GSK3B: variants seen among roughly 807,000 people sequenced by gnomAD.
GSK3B encodes the protein glycogen synthase kinase 3 beta, also known as glycogen synthase kinase-3 beta.
A neutral mutation model predicts 56.4 loss-of-function variants in GSK3B; 15 were observed. The ratio of observed to expected loss-of-function variants is 0.27; its 90% CI spans 0.18 to 0.41. The LOEUF is 0.41. Ranked by LOEUF, GSK3B falls within the 10% of genes least tolerant of loss-of-function variation. The pLI, the probability that GSK3B is intolerant of heterozygous loss-of-function variation, is 1.00. For missense variants in GSK3B, 300 were observed against 513.4 expected, an observed-to-expected ratio of 0.58 and a Z score of 4.02; for synonymous variants, 181 against 188.9, an observed-to-expected ratio of 0.96 and a Z score of 0.34.
intron 10 of GSK3B, 105 bp from the exon 11 acceptor site, chr3:119,826,960 A>AATAACAGCTTGGAAG: frequency 1.4e-6 from 1 of 710,920 alleles, no homozygotes; most frequent in Non-Finnish European, 2.5e-6. Context: ...TGGCCTTCCA[A>AATAACAGCTTGGAAG]GCTGTTATTT....
intron 1 of GSK3B, among the ~76,000 whole-genome samples, chr3:120,074,332 A>G (rs1287309058): frequency 6.7e-6 from 1 of 150,304 alleles, no homozygotes; most frequent in African/African-American, 2.5e-5. Context: ...AAGAAAAGAA[A>G]TAAGAAGGGT....
At chr3:120,092,231 C>G (rs1451368283) in intron 1 of GSK3B, among the ~76,000 whole-genome samples, 5 of 152,158 alleles carry the variant, frequency 3.3e-5, no homozygotes, top group African/African-American at 1.2e-4. Flanking sequence ...TTAAACACTT[C>G]AAGAGCATAC....
At chr3:120,087,932 G>A (rs142747820) in intron 1 of GSK3B, among the ~76,000 whole-genome samples, 304 of 151,686 alleles carry the variant, frequency 2.0e-3, no homozygotes, top group African/African-American at 6.4e-3. Flanking sequence ...TCTCTCTGTC[G>A]CCCAGGCTGG....
rs1211642870 is a variant in GSK3B, at chr3:119,822,009, G to C, written c.*4779C>G. On this transcript the variant is annotated 3_prime_UTR_variant, in exon 11 of 11. Coordinates refer to ENST00000264235, the MANE Select transcript of GSK3B (RefSeq NM_001146156.2). ...TTATTTAATGCAAATTACAGTACCA[G>C]TTAACTATTTCCAAACCAAGTCACA... 5.3e-6 allele frequency: 1 copy of C among 190,222 alleles called. No homozygotes were observed. The highest frequency in any genetic ancestry group is 1.9e-4 in the South Asian group (1 of 5,134). 11.8% of individuals were successfully genotyped at this position (190,222 alleles called of 1,614,324 possible).
intron 7 of GSK3B, among the ~76,000 whole-genome samples, chr3:119,890,420 A>C (rs887787649): frequency 6.6e-6 from 1 of 152,164 alleles, no homozygotes; most frequent in Non-Finnish European, 1.5e-5. Flanking sequence ...AAATTCTAGA[A>C]TAGGCATCTG....
At chr3:119,856,760 T>C (rs1269294421) in intron 9 of GSK3B, among the ~76,000 whole-genome samples, 1 of 152,068 alleles carries the variant, frequency 6.6e-6, no homozygotes, top group Non-Finnish European at 1.5e-5. Context: ...ACATCAATTC[T>C]ATTGATGTGT....
intron 2 of GSK3B, among the ~76,000 whole-genome samples, chr3:120,001,824 CAT>C (rs930964507): frequency 1.3e-5 from 2 of 152,036 alleles, no homozygotes; most frequent in African/African-American, 4.8e-5. Flanking sequence ...ACATATATTA[CAT>C]ATGTCATTTG....
intron 1 of GSK3B, among the ~76,000 whole-genome samples, chr3:120,032,438 G>T (rs1177969067): frequency 1.3e-5 from 2 of 151,690 alleles, no homozygotes; most frequent in African/African-American, 4.8e-5. Flanking sequence ...TTGTGCCACT[G>T]CACTCCAGCC....
At chr3:119,882,668 T>C (rs1415307241) in intron 7 of GSK3B, among the ~76,000 whole-genome samples, 1 of 152,152 alleles carries the variant, frequency 6.6e-6, no homozygotes, top group Non-Finnish European at 1.5e-5. Flanking sequence ...TACCAGAAAA[T>C]GCACGTAGAA....
chr3:119,993,507 C>T (rs2057586085), intron 2 of GSK3B, among the ~76,000 whole-genome samples: 1 of 151,966 alleles, frequency 6.6e-6, no homozygotes, highest in African/African-American at 2.4e-5. Flanking sequence ...ATCCATATGC[C>T]TTTCAAGCTA....
chr3:119,907,320 T>C (rs527834328), intron 6 of GSK3B, among the ~76,000 whole-genome samples: 2 of 152,176 alleles, frequency 1.3e-5, no homozygotes, highest in Admixed American at 6.5e-5. Context: ...GGAAACACTT[T>C]CTTAGGTAAG....
At chr3:119,991,792 G>C (rs2057568886) in intron 2 of GSK3B, among the ~76,000 whole-genome samples, 1 of 151,824 alleles carries the variant, frequency 6.6e-6, no homozygotes, top group South Asian at 2.1e-4. Flanking sequence ...ATTCCACAAA[G>C]GAAGGGTGAT....
chr3:119,931,110 T>G (rs1398827459), intron 3 of GSK3B, among the ~76,000 whole-genome samples: 1 of 152,206 alleles, frequency 6.6e-6, no homozygotes, highest in African/African-American at 2.4e-5. Flanking sequence ...AACAGTAGTA[T>G]TTTTGCAGTT....
At chr3:119,843,692 CAA>C (rs1315429727) in intron 9 of GSK3B, 1 of 162,222 alleles carries the variant, frequency 6.2e-6, no homozygotes. Context: ...TAGAGACCTA[CAA>C]AGAGACTTGG....
At chr3:120,024,563 G>T (rs2057908027) in intron 1 of GSK3B, among the ~76,000 whole-genome samples, 1 of 152,240 alleles carries the variant, frequency 6.6e-6, no homozygotes, top group African/African-American at 2.4e-5. Context: ...CTCCCACTGG[G>T]TAAAGTGCCT....
intron 2 of GSK3B, among the ~76,000 whole-genome samples, chr3:119,970,844 C>T (rs1051974584): frequency 5.9e-5 from 9 of 151,996 alleles, no homozygotes; most frequent in Middle Eastern, 3.4e-3. Flanking sequence ...ACAATCATCA[C>T]TTACTGTTCT....
chr3:120,094,356 C>CT lies in GSK3B; in HGVS notation c.-923dup, dbSNP rs2058545847. ...CGGCTGCGGGGCCGGCTCCTCCTCGCTTCCTTCCTTCCTTTGTCACTTGGC... is the reference window on the plus strand; with the variant it reads ...CGGCTGCGGGGCCGGCTCCTCCTCGCTTTCCTTCCTTCCTTTGTCACTTGGC... On this transcript the variant is annotated 5_prime_UTR_variant, in exon 1 of 11. Coordinates refer to ENST00000264235, the MANE Select transcript of GSK3B (RefSeq NM_001146156.2). The CT allele has an allele frequency of 3.4e-6, 1 of 290,604 alleles. No individual in the cohort carries two copies. The highest frequency in any genetic ancestry group is 2.2e-5 in the African/African-American group (1 of 44,934). 18.0% of individuals were successfully genotyped at this position (290,604 alleles called of 1,614,324 possible). A position where few individuals can be genotyped will look rare whatever the true frequency, so the allele number is the denominator to read the frequency against.
At position 119,863,621 on chromosome 3, in the gene GSK3B, A is replaced by T; in HGVS notation, c.910-16T>A. ...GTCGGAAGACCTGCAGTACAAAAAA[A>T]GGGAAAGAACAATTAATGTTTTATT... On this transcript the variant is annotated splice_polypyrimidine_tract_variant and intron_variant, in intron 8 of 10. Coordinates refer to ENST00000264235, the MANE Select transcript of GSK3B (RefSeq NM_001146156.2). The T allele has an allele frequency of 6.5e-7, 1 of 1,532,560 alleles. No homozygotes were observed. Among genetic ancestry groups the T allele is most frequent in the Non-Finnish European group, 9.0e-7 (1 of 1,108,318 alleles). 94.9% of individuals were successfully genotyped at this position (1,532,560 alleles called of 1,614,324 possible).
intron 1 of GSK3B, among the ~76,000 whole-genome samples, chr3:120,018,588 CTAAGT>C (rs1559878459): frequency 6.6e-6 from 1 of 152,106 alleles, no homozygotes; most frequent in Admixed American, 6.6e-5. Flanking sequence ...CATCCAATTC[CTAAGT>C]TTAGTATACT....
Sources: gnomAD v4.1 joint callset for allele counts (sites outside exome capture counted in the v4.1 genomes callset) on GRCh38, gnomAD v4.1.1 for gene constraint, MANE v1.5 for transcripts, NCBI Gene and HGNC (gene_info 2026-07-23, HGNC 2026-07-21) for gene names.